NEUROD4: variants seen among roughly 807,000 people sequenced by gnomAD.
NEUROD4 encodes neurogenic differentiation factor 4.
NEUROD4 carries 16 observed loss-of-function variants against 19.8 expected under a neutral mutation model. The observed-to-expected ratio is 0.81, with a 90% CI of 0.55 to 1.23. The LOEUF (loss-of-function observed/expected upper bound fraction) is 1.23. NEUROD4 is among the 50% of genes most tolerant of loss of function. NEUROD4 has a pLI of 0.00. For synonymous variants in NEUROD4, 153 were observed against 147.9 expected, an observed-to-expected ratio of 1.03 and a Z score of -0.25; for missense variants, 439 against 398.6, an observed-to-expected ratio of 1.10 and a Z score of -0.86.
intron 1 of NEUROD4, among the ~76,000 whole-genome samples, chr12:55,025,046 G>T (rs1387007048): frequency 3.3e-5 from 5 of 152,192 alleles, no homozygotes; most frequent in Non-Finnish European, 5.9e-5. Context: ...CATAATAAAA[G>T]GTGATAGTGG....
Position 55,027,572 on chromosome 12 carries a change from C to G in NEUROD4, c.*137C>G, listed in dbSNP as rs1952750308. 1.3e-6 allele frequency: 1 copy of G among 795,648 alleles called. No individual in the cohort carries two copies. Among genetic ancestry groups the G allele is most frequent in the Non-Finnish European group, 2.0e-6 (1 of 489,136 alleles). The allele number at this position is 795,648 out of a possible 1,614,324, so 49.3% of individuals were successfully genotyped here. ...AATAGTTCAAGTCCATTTAGGCTTT[C>G]CTTCACCTATCACCTCTTTTCTCAT... On this transcript the variant is annotated 3_prime_UTR_variant, in exon 2 of 2. Transcript: ENST00000242994.
intron 1 of NEUROD4, among the ~76,000 whole-genome samples, chr12:55,022,426 C>T (rs1225901266): frequency 6.6e-6 from 1 of 152,018 alleles, no homozygotes; most frequent in South Asian, 2.1e-4. Flanking sequence ...TTCCTGTTAA[C>T]CTTTTTGATG....
intron 1 of NEUROD4, among the ~76,000 whole-genome samples, chr12:55,020,953 A>G (rs1305475502): frequency 6.6e-6 from 1 of 152,208 alleles, no homozygotes. Flanking sequence ...TCTCTGCTTC[A>G]CACTCATCAT....
In NEUROD4 at chr12:55,026,979, T is replaced by G. The variant is rs1244456511; in HGVS notation, c.540T>G (p.Ser180=). The change falls in exon 2 of 2, where the codon TCT becomes TCG. Residue 180 remains serine, a synonymous_variant. Coordinates refer to ENST00000242994, the MANE Select transcript of NEUROD4 (RefSeq NM_021191.3). The part of the protein sequence containing the change: ...VAGCLQLGPQ[S]VLLEKHEDKS... ...GATGTCTCCAACTGGGCCCTCAGTC[T>G]GTCCTCCTGGAGAAGCACGAGGATA... The G allele has an allele frequency of 6.2e-7, 1 of 1,614,186 alleles. No homozygotes were observed. Among genetic ancestry groups the G allele is most frequent in the Non-Finnish European group, 8.5e-7 (1 of 1,180,022 alleles).
chr12:55,025,702 G>A (rs1462025739), intron 1 of NEUROD4, among the ~76,000 whole-genome samples: 2 of 152,170 alleles, frequency 1.3e-5, no homozygotes, highest in Non-Finnish European at 2.9e-5. Context: ...ATGTTTGATG[G>A]TCACGTGTTG....
intron 1 of NEUROD4, among the ~76,000 whole-genome samples, chr12:55,025,491 T>A (rs1952718189): frequency 6.6e-6 from 1 of 152,258 alleles, no homozygotes; most frequent in Non-Finnish European, 1.5e-5. Context: ...CATTGTCTTG[T>A]CTGACAGTGT....
rs184562068 is a variant in NEUROD4, at chr12:55,025,226, T to G, written c.-9-1205T>G. Among the ~76,000 whole-genome samples the G allele has an allele frequency of 2.6e-5, 4 of 152,302 alleles. No individual in the cohort carries two copies. In the East Asian group the frequency reaches 7.7e-4, roughly 29 times the overall value. On this transcript the variant is annotated intron_variant, in intron 1 of 1. Transcript: ENST00000242994. ...TTACTAAATCACTAGTCTCTTCTGG[T>G]TTTCAAATAGTGAATTTTGCATACA...
chr12:55,027,113 A>G lies in NEUROD4; in HGVS notation c.674A>G (p.Lys225Arg), dbSNP rs770795909. 5.6e-6 allele frequency: 9 copies of G among 1,613,980 alleles called. No homozygotes were observed. In the Admixed American group the frequency reaches 1.0e-4, roughly 18 times the overall value. ...ATGGAAACACATCTCCTTCATCTCA[A>G]GCCCCAAGTATTCAAGAGTTTGGGA... is the stretch of plus-strand genomic sequence containing the variant. ...GHMETHLLHL[K>R]PQVFKSLGES... The change falls in exon 2 of 2, where the codon AAG (lysine) becomes AGG (arginine). Residue 225 changes from lysine to arginine, a missense_variant. Transcript: ENST00000242994.
Position 55,027,103 on chromosome 12 carries a change from C to T in NEUROD4, c.664C>T (p.Leu222Phe). 6.2e-7 allele frequency: 1 copy of T among 1,614,156 alleles called. No individual in the cohort carries two copies. ...TTATGGTCATATGGAAACACATCTC[C>T]TTCATCTCAAGCCCCAAGTATTCAA... Reference protein sequence around the residue: ...PPYGHMETHLLHLKPQVFKSL... With the variant: ...PPYGHMETHLFHLKPQVFKSL... The change falls in exon 2 of 2, where the codon CTT becomes TTT. Residue 222 changes from leucine (L) to phenylalanine (F), a missense_variant. Transcript: ENST00000242994.
At chr12:55,020,920 A>G (rs1471022914) in intron 1 of NEUROD4, among the ~76,000 whole-genome samples, 1 of 152,150 alleles carries the variant, frequency 6.6e-6, no homozygotes, top group Non-Finnish European at 1.5e-5. Flanking sequence ...GAAGAAAAAG[A>G]TTGTCCAAGT....
chr12:55,020,789 T>C (rs993178071), intron 1 of NEUROD4, among the ~76,000 whole-genome samples: 22 of 152,166 alleles, frequency 1.4e-4, no homozygotes, highest in African/African-American at 4.6e-4. Context: ...TCAGAGAAGA[T>C]TGTGGAAAAT....
Position 55,026,856 on chromosome 12 carries a change from A to G in NEUROD4, c.417A>G (p.Leu139=), listed in dbSNP as rs144852105. The G allele has an allele frequency of 1.2e-6, 2 of 1,614,038 alleles. No individual in the cohort carries two copies. The highest frequency in any genetic ancestry group is 1.7e-6 in the Non-Finnish European group (2 of 1,180,020). The stretch of plus-strand genomic sequence containing the variant: ...TGGCCAGGAACTATATTTGGGCTTT[A>G]TCTGAAGTCCTGGAGACTGGCCAGA... ...LRLARNYIWA[L]SEVLETGQTP... is the part of the protein sequence containing the mutation. Residue 139 remains leucine, a synonymous_variant, in exon 2 of 2, where the codon TTA becomes TTG. Coordinates refer to ENST00000242994, the MANE Select transcript of NEUROD4 (RefSeq NM_021191.3).
chr12:55,020,933 A>AT (rs1486063909), intron 1 of NEUROD4, among the ~76,000 whole-genome samples: 18 of 152,130 alleles, frequency 1.2e-4, no homozygotes, highest in Admixed American at 7.9e-4. Context: ...GTCCAAGTAT[A>AT]TTTTTCCTTT....
chr12:55,022,478 T>C (rs1952680922), intron 1 of NEUROD4, among the ~76,000 whole-genome samples: 1 of 152,164 alleles, frequency 6.6e-6, no homozygotes, highest in South Asian at 2.1e-4. Context: ...TAAACATTTT[T>C]CTTTATATTT....
Position 55,026,586 on chromosome 12 carries a change from A to G in NEUROD4, c.147A>G (p.Glu49=). 6.2e-7 allele frequency: 1 copy of G among 1,613,906 alleles called. No individual in the cohort carries two copies. The highest frequency in any genetic ancestry group is 8.5e-7 in the Non-Finnish European group (1 of 1,179,820). The change falls in exon 2 of 2, where the codon GAA becomes GAG. Residue 49 remains glutamate, a synonymous_variant. Coordinates refer to ENST00000242994, the MANE Select transcript of NEUROD4 (RefSeq NM_021191.3). ...ATGGGATGCTCAGCAGCTTAACTGAAGAGCATGACAGTATTGAGGAAGAAG... is the reference window on the plus strand; with the variant it reads ...ATGGGATGCTCAGCAGCTTAACTGAGGAGCATGACAGTATTGAGGAAGAAG... ...GTYGMLSSLT[E]EHDSIEEEEE...
intron 1 of NEUROD4, among the ~76,000 whole-genome samples, chr12:55,025,727 A>T (rs1952721154): frequency 1.3e-5 from 2 of 152,140 alleles, no homozygotes; most frequent in Admixed American, 1.3e-4. Context: ...AGCCAGTGAG[A>T]GTAATGTTTG....
In NEUROD4 at chr12:55,027,937, T is replaced by C. The variant is rs1284273678; in HGVS notation, c.*502T>C. 2 of 167,868 alleles carry C rather than the reference T, an allele frequency of 1.2e-5. No homozygotes were observed. Among genetic ancestry groups the C allele is most frequent in the Non-Finnish European group, 2.9e-5 (2 of 68,742 alleles). The allele number at this position is 167,868 out of a possible 1,614,324, so 10.4% of individuals were successfully genotyped here. On this transcript the variant is annotated 3_prime_UTR_variant, in exon 2 of 2. Coordinates refer to ENST00000242994, the MANE Select transcript of NEUROD4 (RefSeq NM_021191.3). ...AATAATAGGAAAGGGATGCTATGCATAGAATGATCAAATTGAATTATCAGA... is the reference window on the plus strand; with the variant it reads ...AATAATAGGAAAGGGATGCTATGCACAGAATGATCAAATTGAATTATCAGA...
At position 55,026,768 on chromosome 12, in the gene NEUROD4, T is replaced by C. The variant is rs762815175; in HGVS notation, c.329T>C (p.Leu110Pro). ...MHGLNDALDN[L>P]RRVMPCYSKT... is the part of the protein sequence containing the mutation. Reference sequence around the variant, plus strand: ...GGCCTGAATGACGCCCTGGATAACCTGAGGCGAGTCATGCCATGCTACTCT... The same window carrying C: ...GGCCTGAATGACGCCCTGGATAACCCGAGGCGAGTCATGCCATGCTACTCT... The change falls in exon 2 of 2, where the codon CTG becomes CCG. Residue 110 changes from leucine to proline, a missense_variant. Transcript: ENST00000242994. The C allele has an allele frequency of 6.2e-7, 1 of 1,614,100 alleles. No individual in the cohort carries two copies. The highest frequency in any genetic ancestry group is 8.5e-7 in the Non-Finnish European group (1 of 1,179,962).
intron 1 of NEUROD4, among the ~76,000 whole-genome samples, chr12:55,023,441 A>G (rs1037787300): frequency 6.6e-6 from 1 of 152,336 alleles, no homozygotes; most frequent in African/African-American, 2.4e-5. Flanking sequence ...ATTTACAGCT[A>G]TAAAATTTTT....
Sources: allele counts gnomAD v4.1 joint callset (sites outside exome capture counted in the v4.1 genomes callset), GRCh38; gene constraint gnomAD v4.1.1; transcripts MANE v1.5; gene names NCBI Gene and HGNC (gene_info 2026-07-23, HGNC 2026-07-21).